Variants in TXNRD3 observed in about 807,000 individuals in gnomAD.
TXNRD3 encodes thioredoxin reductase 3.
TXNRD3 carries 68 observed loss-of-function variants against 78.2 expected under a neutral mutation model. The ratio of observed to expected loss-of-function variants is 0.87; its 90% CI spans 0.72 to 1.06. The LOEUF (loss-of-function observed/expected upper bound fraction) is 1.06, where lower values mean the gene tolerates loss of function less well. Ranked by LOEUF, TXNRD3 falls within the 50% of genes least tolerant of loss-of-function variation. TXNRD3 has a pLI of 0.00. For synonymous variants in TXNRD3, 296 were observed against 300.1 expected (o/e 0.99, Z 0.14); for missense variants, 751 against 809.5 (o/e 0.93, Z 0.88).
chr3:126,642,072 T>C lies in TXNRD3; in HGVS notation c.672A>G (p.Leu224=), dbSNP rs546309493. Residue 224 remains leucine, a synonymous_variant, in exon 6 of 16, where the codon TTA becomes TTG. Transcript: ENST00000524230. ...CCCAGCCAAATTTCCTTGAGTCACA[T>C]AATGCCTGCCCCAAAAGGGCAGCCT... is the stretch of plus-strand genomic sequence containing the variant. 23 of 1,536,184 alleles carry C rather than the reference T, an allele frequency of 1.5e-5. No individual in the cohort carries two copies. The African/African-American group carries it at 2.6e-4, about 17-fold the overall frequency.
chr3:126,655,060 G>A lies in TXNRD3; in HGVS notation c.-70C>T, dbSNP rs1024190865. 1.5e-5 allele frequency: 20 copies of A among 1,292,380 alleles called. No individual in the cohort carries two copies. In the African/African-American group the frequency reaches 2.8e-4, roughly 18 times the overall value. The allele number at this position is 1,292,380 out of a possible 1,614,324, so 80.1% of individuals were successfully genotyped here. A position where few individuals can be genotyped will look rare whatever the true frequency, so the allele number is the denominator to read the frequency against. On this transcript the variant is annotated 5_prime_UTR_variant, in exon 1 of 16. Transcript: ENST00000524230. ...GAAACGCAGGCGGCTGCGGCGCCGG[G>A]ACGGGGCCTGAGGGGCGGCGAACGC...
chr3:126,621,710 G>T, intron 12 of TXNRD3, 32 bp downstream of exon 12: 1 of 1,447,704 alleles, frequency 6.9e-7, no homozygotes, highest in East Asian at 2.5e-5. Flanking sequence ...ATCTTGATCA[G>T]GACATTATCT....
intron 3 of TXNRD3, 22 bp from the exon 4 acceptor site, chr3:126,644,423 A>G: frequency 6.7e-7 from 1 of 1,491,794 alleles, no homozygotes; most frequent in South Asian, 1.2e-5. Context: ...TTACAGGAGA[A>G]AGAACACTGC....
intron 7 of TXNRD3, among the ~76,000 whole-genome samples, chr3:126,633,147 TAAC>T (rs1185471691): frequency 1.3e-5 from 2 of 152,204 alleles, no homozygotes; most frequent in African/African-American, 2.4e-5. Flanking sequence ...TGGCAAATGA[TAAC>T]AACCGTTAAA....
Position 126,644,373 on chromosome 3 carries a change from A to T in TXNRD3, c.443T>A (p.Leu148His). 1 of 1,536,242 alleles carries T rather than the reference A, an allele frequency of 6.5e-7. No homozygotes were observed. The highest frequency in any genetic ancestry group is 8.7e-7 in the Non-Finnish European group (1 of 1,146,916). The stretch of plus-strand genomic sequence containing the variant: ...ATCATATGCCAAATCTTCCTGAAGG[A>T]GCTTCTGTAACAAACCACTCTGATA... Residue 148 changes from leucine to histidine, a missense_variant, in exon 4 of 16, where the codon CTC (leucine) becomes CAC (histidine). Transcript: ENST00000524230.
At chr3:126,643,955 A>AGGAACAACAGAGAAAAACAACTTAC (rs1424212722) in intron 5 of TXNRD3, 26 bp downstream of exon 5, 10 of 1,528,636 alleles carry the variant, frequency 6.5e-6, no homozygotes, top group Admixed American at 2.0e-5. Context: ...AAGAGCAGAG[A>AGGAACAACAGAGAAAAACAACTTAC]GGAACAACAG....
chr3:126,654,083 C>T (rs1385227882), intron 1 of TXNRD3, among the ~76,000 whole-genome samples: 2 of 151,110 alleles, frequency 1.3e-5, no homozygotes, highest in East Asian at 1.9e-4. Context: ...GAGGAGACAG[C>T]CAAGGAAGCT....
At chr3:126,645,690 T>A (rs764517192) in intron 3 of TXNRD3, among the ~76,000 whole-genome samples, 5 of 152,202 alleles carry the variant, frequency 3.3e-5, no homozygotes, top group Non-Finnish European at 7.3e-5. Context: ...CTCCTGCTCA[T>A]TTTTAGCACT....
At chr3:126,625,456 T>C (rs1376443638) in intron 10 of TXNRD3, among the ~76,000 whole-genome samples, 2 of 151,866 alleles carry the variant, frequency 1.3e-5, no homozygotes, top group Non-Finnish European at 2.9e-5. Flanking sequence ...GTTTCCAGCT[T>C]CATCCATGTC....
chr3:126,625,650 A>T (rs1211545532), intron 10 of TXNRD3, among the ~76,000 whole-genome samples: 1 of 152,250 alleles, frequency 6.6e-6, no homozygotes, highest in East Asian at 1.9e-4. Context: ...CATTATTTAT[A>T]ATCCTTTGGG....
intron 3 of TXNRD3, among the ~76,000 whole-genome samples, chr3:126,644,612 T>C (rs947760799): frequency 6.6e-6 from 1 of 152,262 alleles, no homozygotes; most frequent in African/African-American, 2.4e-5. Flanking sequence ...CATATGTTTT[T>C]GTCCCTTCTT....
In TXNRD3 at chr3:126,655,088, C is replaced by T. The variant is rs972330558; in HGVS notation, c.-98G>A. 106 of 1,298,578 alleles carry T rather than the reference C, an allele frequency of 8.2e-5. No individual in the cohort carries two copies. Among genetic ancestry groups the T allele is most frequent in the Non-Finnish European group, 1.0e-4 (103 of 1,023,250 alleles). 80.4% of individuals were successfully genotyped at this position (1,298,578 alleles called of 1,614,324 possible). ...GGGGCCTGAGGGGCGGCGAACGCTG[C>T]CCTCGCTGGCCACTCTCACCACCCG... On this transcript the variant is annotated 5_prime_UTR_variant, in exon 1 of 16. Coordinates refer to ENST00000524230, the MANE Select transcript of TXNRD3 (RefSeq NM_052883.3).
intron 1 of TXNRD3, among the ~76,000 whole-genome samples, chr3:126,652,687 G>GT (rs1376082250): frequency 6.6e-6 from 1 of 152,230 alleles, no homozygotes; most frequent in African/African-American, 2.4e-5. Flanking sequence ...GTGGGTGTGT[G>GT]TGCAAGTGCA....
chr3:126,613,615 G>C (rs1938244007), intron 13 of TXNRD3, among the ~76,000 whole-genome samples: 2 of 152,188 alleles, frequency 1.3e-5, no homozygotes, highest in African/African-American at 4.8e-5. Flanking sequence ...ATATGTGACT[G>C]TGGTCCCATA....
At chr3:126,611,812 A>G (rs1011965351) in intron 13 of TXNRD3, among the ~76,000 whole-genome samples, 2 of 152,240 alleles carry the variant, frequency 1.3e-5, no homozygotes, top group Non-Finnish European at 2.9e-5. Flanking sequence ...GAAATGTAGT[A>G]TGAACAATAA....
chr3:126,609,986 A>G (rs1208294315), intron 14 of TXNRD3, among the ~76,000 whole-genome samples: 1 of 152,202 alleles, frequency 6.6e-6, no homozygotes, highest in Non-Finnish European at 1.5e-5. Flanking sequence ...AGCCCAGCAC[A>G]TGAGCACCCA....
At chr3:126,634,337 G>C (rs1938798578) in intron 6 of TXNRD3, among the ~76,000 whole-genome samples, 1 of 152,284 alleles carries the variant, frequency 6.6e-6, no homozygotes, top group Non-Finnish European at 1.5e-5. Context: ...CACGACGTAA[G>C]GCAGGAGGCT....
At chr3:126,639,984 A>G (rs1933024782) in intron 6 of TXNRD3, among the ~76,000 whole-genome samples, 1 of 152,020 alleles carries the variant, frequency 6.6e-6, no homozygotes, top group Admixed American at 6.5e-5. Flanking sequence ...AGCTGATCCT[A>G]GCTTGACCTA....
In TXNRD3 at chr3:126,642,081, C is replaced by A; in HGVS notation, c.663G>T (p.Gly221=). The A allele has an allele frequency of 6.5e-7, 1 of 1,536,106 alleles. No homozygotes were observed. The highest frequency in any genetic ancestry group is 8.7e-7 in the Non-Finnish European group (1 of 1,146,866). ...ATTTCCTTGAGTCACATAATGCCTG[C>A]CCCAAAAGGGCAGCCTGATGCATCA... The change falls in exon 6 of 16, where the codon GGG becomes GGT. Residue 221 remains glycine (G), a synonymous_variant. Transcript: ENST00000524230.
Sources: gnomAD v4.1 joint callset for allele counts (sites outside exome capture counted in the v4.1 genomes callset) on GRCh38, gnomAD v4.1.1 for gene constraint, MANE v1.5 for transcripts, NCBI Gene and HGNC (gene_info 2026-07-23, HGNC 2026-07-21) for gene names.